A1CF: variants seen among roughly 807,000 people sequenced by gnomAD.
The protein encoded by A1CF is APOBEC1 complementation factor.
In A1CF, 48 loss-of-function variants were observed where a neutral mutation model predicts 68.9. The observed-to-expected ratio is 0.70, with a 90% CI of 0.55 to 0.89. The LOEUF is 0.89. Ranked by LOEUF, A1CF falls within the 40% of genes least tolerant of loss-of-function variation. The pLI is 0.00. For missense variants in A1CF, 653 were observed against 718.9 expected (o/e 0.91, Z 1.05); for synonymous variants, 272 against 260.4 (o/e 1.04, Z -0.43).
intron 2 of A1CF, among the ~76,000 whole-genome samples, chr10:50,861,405 C>T (rs1186413115): frequency 6.7e-6 from 1 of 148,874 alleles, no homozygotes; most frequent in Non-Finnish European, 1.5e-5. Flanking sequence ...GCTAGTATCA[C>T]TAATAGTAGT....
At chr10:50,875,574 A>G (rs1040864236) in intron 1 of A1CF, among the ~76,000 whole-genome samples, 1 of 152,236 alleles carries the variant, frequency 6.6e-6, no homozygotes, top group African/African-American at 2.4e-5. Context: ...AAGTCCTAAC[A>G]GTCTCTTTAT....
chr10:50,851,212 T>A (rs1188275872), intron 3 of A1CF, among the ~76,000 whole-genome samples: 1 of 152,192 alleles, frequency 6.6e-6, no homozygotes, highest in African/African-American at 2.4e-5. Context: ...TGACTTTAAT[T>A]ATTTCATCTA....
intron 11 of A1CF, among the ~76,000 whole-genome samples, 191 bp from the exon 12 acceptor site, chr10:50,810,233 A>G (rs896694411): frequency 1.3e-5 from 2 of 152,248 alleles, no homozygotes; most frequent in African/African-American, 4.8e-5. Context: ...GATCTAGAAC[A>G]TCAGTGGTTG....
chr10:50,810,914 A>G, intron 11 of A1CF, 126 bp downstream of exon 11: 1 of 1,131,300 alleles, frequency 8.8e-7, no homozygotes, highest in Admixed American at 3.2e-5. Context: ...ACATCTCAAT[A>G]TTTGCATTGA....
intron 12 of A1CF, among the ~76,000 whole-genome samples, chr10:50,808,208 A>G (rs1210110197): frequency 6.6e-6 from 1 of 152,164 alleles, no homozygotes; most frequent in Non-Finnish European, 1.5e-5. Context: ...TGGGTTTCAA[A>G]CTGATTCTTC....
At chr10:50,827,852 GT>G (rs910493465) in intron 7 of A1CF, among the ~76,000 whole-genome samples, 2 of 151,810 alleles carry the variant, frequency 1.3e-5, no homozygotes, top group African/African-American at 2.4e-5. Flanking sequence ...TCCAGGAGCT[GT>G]TTTTTTTAAA....
intron 8 of A1CF, 121 bp downstream of exon 8, chr10:50,820,431 C>T (rs1838592528): frequency 5.5e-6 from 4 of 721,740 alleles, no homozygotes; most frequent in Non-Finnish European, 6.7e-6. Flanking sequence ...CTTAAATGGA[C>T]TGAGGCAGCC....
intron 3 of A1CF, among the ~76,000 whole-genome samples, chr10:50,853,275 C>T (rs4145577): frequency 0.99 from 150,409 of 152,260 alleles, 74,322 homozygotes; most frequent in East Asian, 1. Context: ...GTGTTCTGCA[C>T]TGTATAAATA....
At chr10:50,807,492 C>A (rs1326367170) in intron 12 of A1CF, among the ~76,000 whole-genome samples, 2 of 152,138 alleles carry the variant, frequency 1.3e-5, no homozygotes, top group African/African-American at 4.8e-5. Context: ...ATGGCAAAAG[C>A]ACCTTCTTAC....
At chr10:50,875,183 A>AC (rs1468272288) in intron 1 of A1CF, among the ~76,000 whole-genome samples, 1 of 152,238 alleles carries the variant, frequency 6.6e-6, no homozygotes, top group Non-Finnish European at 1.5e-5. Context: ...GAAAAGAATA[A>AC]TTCAAAATTT....
chr10:50,858,474 A>G (rs1296959366), intron 3 of A1CF, among the ~76,000 whole-genome samples: 3 of 152,260 alleles, frequency 2.0e-5, no homozygotes, highest in Non-Finnish European at 2.9e-5. Flanking sequence ...AGTTTGTGAT[A>G]TGCATTACAG....
intron 12 of A1CF, among the ~76,000 whole-genome samples, chr10:50,809,099 T>C (rs1013545118): frequency 6.6e-6 from 1 of 152,132 alleles, no homozygotes; most frequent in Non-Finnish European, 1.5e-5. Context: ...TCTAAAGGAT[T>C]CAGTTTTAAT....
chr10:50,877,837 A>C (rs1412549390), intron 1 of A1CF, among the ~76,000 whole-genome samples: 1 of 152,240 alleles, frequency 6.6e-6, no homozygotes, highest in Non-Finnish European at 1.5e-5. Context: ...AAAAACTGAA[A>C]GAGGGCCGGG....
rs192720844 is a variant in A1CF, at chr10:50,840,004, A to C, written c.365+1858T>G. On this transcript the variant is annotated intron_variant, in intron 5 of 12. Transcript: ENST00000373997. ...TGATCCGCCCGCCTTGGCCTCCCAA[A>C]GTGCTAGGATTACAGGCGTGAGTCA... Among the ~76,000 whole-genome samples, 878 of 152,324 alleles carry C rather than the reference A, an allele frequency of 5.8e-3. 8 individuals carry two copies. The highest frequency in any genetic ancestry group is 0.019 in the African/African-American group (795 of 41,572).
chr10:50,824,961 G>A (rs1838848795), intron 7 of A1CF, among the ~76,000 whole-genome samples: 1 of 152,168 alleles, frequency 6.6e-6, no homozygotes, highest in Non-Finnish European at 1.5e-5. Flanking sequence ...ATCATTTGCA[G>A]ATTCTAGCTT....
In A1CF at chr10:50,811,087, G is replaced by T. The variant is rs1286366611; in HGVS notation, c.1413C>A (p.Phe471Leu). The part of the protein sequence containing the change: ...SAIGQDQRQL[F>L]LYKITIPALA... ...GAGCAGGAATAGTTATTTTGTACAA[G>T]AATAGCTGTCTTTGGTCTTGTCCAA... The change falls in exon 11 of 13, where the codon TTC (phenylalanine) becomes TTA (leucine). Residue 471 changes from phenylalanine to leucine, a missense_variant. Phe to Leu is a conservative substitution (Grantham distance 22). Coordinates refer to ENST00000373997, the MANE Select transcript of A1CF (RefSeq NM_014576.4). 4 of 1,613,684 alleles carry T rather than the reference G, an allele frequency of 2.5e-6. No homozygotes were observed. Among genetic ancestry groups the T allele is most frequent in the Non-Finnish European group, 3.4e-6 (4 of 1,179,772 alleles).
chr10:50,850,670 C>A, intron 3 of A1CF: 1 of 1,613,956 alleles, frequency 6.2e-7, no homozygotes, highest in African/African-American at 1.3e-5. Context: ...CTTACCTTTT[C>A]CAGCAAAGTT....
intron 1 of A1CF, among the ~76,000 whole-genome samples, chr10:50,871,817 C>T (rs1182443289): frequency 1.3e-5 from 2 of 151,970 alleles, no homozygotes; most frequent in Non-Finnish European, 2.9e-5. Flanking sequence ...GTGTAACTTC[C>T]AGAAGTAAAT....
intron 1 of A1CF, among the ~76,000 whole-genome samples, chr10:50,882,207 G>A (rs1431150906): frequency 6.6e-6 from 1 of 152,174 alleles, no homozygotes; most frequent in Admixed American, 6.5e-5. Flanking sequence ...GGAGGCTGAG[G>A]CAGGCAGATC....
Sources: allele counts gnomAD v4.1 joint callset (sites outside exome capture counted in the v4.1 genomes callset), GRCh38; gene constraint gnomAD v4.1.1; transcripts MANE v1.5; gene names NCBI Gene and HGNC (gene_info 2026-07-23, HGNC 2026-07-21).